ZNF219: variants seen among roughly 807,000 people sequenced by gnomAD.
The protein encoded by ZNF219 is zinc finger protein 219.
A neutral mutation model predicts 54.4 loss-of-function variants in ZNF219; 17 were observed. The observed-to-expected ratio is 0.31, with a 90% CI of 0.21 to 0.47. The LOEUF is 0.47. Among genes scored for constraint, ZNF219 ranks in the 20% least tolerant of loss-of-function variants. The probability of loss-of-function intolerance (pLI) is 1.00; values close to 1 mark genes in which losing one functional copy is unlikely to be tolerated. For synonymous variants in ZNF219, 518 were observed against 476.4 expected (o/e 1.09, Z -1.14); for missense variants, 1,014 against 1,062.3 (o/e 0.95, Z 0.63).
At chr14:21,091,295 T>A (rs921726323) in intron 4 of ZNF219, 116 bp downstream of exon 4, 2 of 1,516,100 alleles carry the variant, frequency 1.3e-6, no homozygotes, top group African/African-American at 2.8e-5. Flanking sequence ...TCCCAAGTGA[T>A]CTCATCCAGC....
Position 21,090,485 on chromosome 14 carries a change from C to A in ZNF219, c.*51G>T. ...TCTCTACCCAACTACCTCTAGCGCT[C>A]CCCCGCTCCGGCGGGGTAAGCTCAC... is the stretch of plus-strand genomic sequence containing the variant. On this transcript the variant is annotated 3_prime_UTR_variant, in exon 5 of 5. Transcript: ENST00000360947. The surrounding 1 kb of genome is among the most constrained non-coding windows in gnomAD (Gnocchi z 4.4). The A allele has an allele frequency of 5.2e-6, 8 of 1,533,846 alleles. No individual in the cohort carries two copies. The highest frequency in any genetic ancestry group is 7.0e-6 in the Non-Finnish European group (8 of 1,137,416).
At chr14:21,099,437 T>C (rs960084840), upstream of ZNF219, among the ~76,000 whole-genome samples, 1 of 151,570 alleles carries the variant, frequency 6.6e-6, no homozygotes, top group African/African-American at 2.4e-5. Flanking sequence ...TGAGGAGGAG[T>C]AGACACACAG....
chr14:21,091,923 C>T lies in ZNF219; in HGVS notation c.1374G>A (p.Glu458=). ...SLASLHPRPG[E]GPGHSASAAG... is the part of the protein sequence containing the mutation. Reference sequence around the variant, plus strand: ...CAGCAGAGGCAGAGTGCCCCGGTCCCTCACCCGGGCGCGGGTGCAGGGAAG... The same window carrying T: ...CAGCAGAGGCAGAGTGCCCCGGTCCTTCACCCGGGCGCGGGTGCAGGGAAG... The change falls in exon 3 of 5, where the codon GAG becomes GAA. Residue 458 remains glutamate (E), a synonymous_variant. Coordinates refer to ENST00000360947, the MANE Select transcript of ZNF219 (RefSeq NM_016423.3). 1.2e-6 allele frequency: 2 copies of T among 1,602,042 alleles called. No individual in the cohort carries two copies. The highest frequency in any genetic ancestry group is 1.7e-6 in the Non-Finnish European group (2 of 1,175,412).
rs976843054 is a variant in ZNF219, at chr14:21,092,543, G to A, written c.754C>T (p.Pro252Ser). 3.9e-6 allele frequency: 6 copies of A among 1,545,728 alleles called. No individual in the cohort carries two copies. In the African/African-American group the frequency reaches 6.9e-5, roughly 18 times the overall value. The change falls in exon 3 of 5, where the codon CCC (proline) becomes TCC (serine). Residue 252 changes from proline (P) to serine (S), a missense_variant. Physicochemically the swap from Pro to Ser is moderately conservative, Grantham distance 74. Around this residue, in one of 5 missense-constraint regions of ZNF219, gnomAD observed 395 missense variants for 415.1 expected, o/e 0.95. Coordinates refer to ENST00000360947, the MANE Select transcript of ZNF219 (RefSeq NM_016423.3). ...GGGGTCGGGGTTGCCTCACGTTCGG[G>A]CTCCGGCTCCGGCTCCGGCTGGGGG... is the stretch of plus-strand genomic sequence containing the variant. ...SVPQPEPEPEPEREATPTPAP... is the reference protein window; with the variant it reads ...SVPQPEPEPESEREATPTPAP...
chr14:21,100,126 GC>G (rs1342403084), upstream of ZNF219, among the ~76,000 whole-genome samples: 1 of 152,148 alleles, frequency 6.6e-6, no homozygotes, highest in Non-Finnish European at 1.5e-5. Flanking sequence ...AGTTTGGGAG[GC>G]CAAGCAGGGA....
Position 21,091,452 on chromosome 14 carries a change from C to T in ZNF219, c.1523G>A (p.Arg508His). 1 of 1,609,198 alleles carries T rather than the reference C, an allele frequency of 6.2e-7. No homozygotes were observed. The highest frequency in any genetic ancestry group is 8.5e-7 in the Non-Finnish European group (1 of 1,176,248). ...KDCPFCGKSFRSAHHLKVHLR... is the reference protein window; with the variant it reads ...KDCPFCGKSFHSAHHLKVHLR... The stretch of plus-strand genomic sequence containing the variant: ...ATGCACTTTGAGGTGATGTGCTGAG[C>T]GGAAAGATTTTCCGCAGAAAGGACA... Residue 508 changes from arginine (R) to histidine (H), a missense_variant, in exon 4 of 5, where the codon CGC (arginine) becomes CAC (histidine). Around this residue, in one of 5 missense-constraint regions of ZNF219, gnomAD observed 38 missense variants for 67.3 expected, o/e 0.56. Coordinates refer to ENST00000360947, the MANE Select transcript of ZNF219 (RefSeq NM_016423.3).
Position 21,090,289 on chromosome 14 carries a change from C to G in ZNF219, c.*247G>C, listed in dbSNP as rs1271226444. On this transcript the variant is annotated 3_prime_UTR_variant, in exon 5 of 5. Coordinates refer to ENST00000360947, the MANE Select transcript of ZNF219 (RefSeq NM_016423.3). The surrounding 1 kb of genome is among the most constrained non-coding windows in gnomAD (Gnocchi z 4.4). ...TCCTCAACAGGGACACAAACCTTCT[C>G]TGCCAGCCCAGGGACCCCGTTCTTT... The G allele has an allele frequency of 1.4e-6, 1 of 698,122 alleles. No homozygotes were observed. The highest frequency in any genetic ancestry group is 2.0e-5 in the Admixed American group (1 of 49,610). 43.2% of individuals were successfully genotyped at this position (698,122 alleles called of 1,614,324 possible).
Position 21,091,487 on chromosome 14 carries a change from G to C in ZNF219, c.1488C>G (p.Thr496=). The C allele has an allele frequency of 6.2e-7, 1 of 1,610,162 alleles. No individual in the cohort carries two copies. Among genetic ancestry groups the C allele is most frequent in the Non-Finnish European group, 8.5e-7 (1 of 1,177,144 alleles). Residue 496 remains threonine, a synonymous_variant, in exon 4 of 5, where the codon ACC becomes ACG. Coordinates refer to ENST00000360947, the MANE Select transcript of ZNF219 (RefSeq NM_016423.3). ...TTCCGCAGAAAGGACAATCCTTGCC[G>C]GTGGCGCCCCGGCCCCCTTCAGGCC... ...GTRPEGGRGA[T]GKDCPFCGKS...
chr14:21,094,589 T>A, intron 1 of ZNF219: 1 of 366,884 alleles, frequency 2.7e-6, no homozygotes, highest in South Asian at 2.0e-5. Context: ...CTGGGCCATC[T>A]GCACAGATAG....
chr14:21,092,136 G>T lies in ZNF219; in HGVS notation c.1161C>A (p.Gly387=). The change falls in exon 3 of 5, where the codon GGC becomes GGA. Residue 387 remains glycine (G), a synonymous_variant. Transcript: ENST00000360947. ...SLLGYLSLRA[G]EGRPNGEGAE... ...CACCCTCGCCGTTGGGCCGGCCCTC[G>T]CCAGCTCGCAGGCTCAGGTAGCCCA... 2 of 1,497,958 alleles carry T rather than the reference G, an allele frequency of 1.3e-6. No homozygotes were observed. The highest frequency in any genetic ancestry group is 2.6e-5 in the East Asian group (1 of 38,804). The allele number at this position is 1,497,958 out of a possible 1,614,324, so 92.8% of individuals were successfully genotyped here.
rs775094924 is a variant in ZNF219, at chr14:21,092,855, C to T, written c.442G>A (p.Ala148Thr). Residue 148 changes from alanine (A) to threonine (T), a missense_variant, in exon 3 of 5, where the codon GCC (alanine) becomes ACC (threonine). By Grantham distance (58) the Ala-to-Thr change is moderately conservative. Transcript: ENST00000360947. ...RSSGGMQATP[A>T]TEGLARPQAP... Reference sequence around the variant, plus strand: ...TGGGGCCGCGCCAGACCCTCAGTGGCAGGGGTGGCCTGCATGCCCCCTGAG... The same window carrying T: ...TGGGGCCGCGCCAGACCCTCAGTGGTAGGGGTGGCCTGCATGCCCCCTGAG... The T allele has an allele frequency of 1.3e-6, 2 of 1,556,996 alleles. No individual in the cohort carries two copies. Among genetic ancestry groups the T allele is most frequent in the Admixed American group, 3.8e-5 (2 of 52,576 alleles).
At chr14:21,099,917 A>G (rs567098474), upstream of ZNF219, among the ~76,000 whole-genome samples, 1 of 152,246 alleles carries the variant, frequency 6.6e-6, no homozygotes, top group East Asian at 1.9e-4. Context: ...TCTGAATAAC[A>G]CTTTTAGTGT....
upstream of ZNF219, chr14:21,101,352 T>C (rs1417413495): frequency 6.4e-7 from 1 of 1,551,478 alleles, no homozygotes; most frequent in Non-Finnish European, 8.7e-7. Flanking sequence ...CCATGGAAGA[T>C]AGAGCTGGTG....
upstream of ZNF219, chr14:21,103,206 A>G (rs746338417): frequency 9.0e-6 from 14 of 1,551,610 alleles, no homozygotes; most frequent in African/African-American, 1.4e-5. Flanking sequence ...ACAGGAGCAA[A>G]TGAGAGGGTG....
At position 21,090,886 on chromosome 14, in the gene ZNF219, G is replaced by C. The variant is rs772302239; in HGVS notation, c.1819C>G (p.Arg607Gly). ...GTCCTCCCAGGGCTGGCGGGCTTCC[G>C]ACGGGACCCCGGCCCAGCACCGCTA... ...PSSGAGPGSR[R>G]KPASPGRTLR... The change falls in exon 5 of 5, where the codon CGG becomes GGG. Residue 607 changes from arginine to glycine, a missense_variant. This residue lies in a region of ZNF219 where 281 missense variants were observed against 271.2 expected (regional missense o/e 1.04). Transcript: ENST00000360947. The surrounding 1 kb of genome is among the most constrained non-coding windows in gnomAD (Gnocchi z 4.4). 7.7e-5 allele frequency: 119 copies of C among 1,550,554 alleles called. No homozygotes were observed. The highest frequency in any genetic ancestry group is 9.6e-5 in the Non-Finnish European group (110 of 1,150,256).
chr14:21,099,225 A>G (rs1221039598), upstream of ZNF219: 1 of 156,166 alleles, frequency 6.4e-6, no homozygotes, highest in African/African-American at 2.4e-5. Flanking sequence ...GATTTAGTCA[A>G]TATTTACTGA....
In ZNF219 at chr14:21,091,486, C is replaced by T. The variant is rs757778485; in HGVS notation, c.1489G>A (p.Gly497Ser). ...TRPEGGRGAT[G>S]KDCPFCGKSF... ...TTTCCGCAGAAAGGACAATCCTTGCCGGTGGCGCCCCGGCCCCCTTCAGGC... is the reference window on the plus strand; with the variant it reads ...TTTCCGCAGAAAGGACAATCCTTGCTGGTGGCGCCCCGGCCCCCTTCAGGC... Residue 497 changes from glycine (G) to serine (S), a missense_variant, in exon 4 of 5, where the codon GGC (glycine) becomes AGC (serine). This residue lies in a region of ZNF219 where 38 missense variants were observed against 67.3 expected (regional missense o/e 0.56). Transcript: ENST00000360947. The T allele has an allele frequency of 1.2e-6, 2 of 1,610,232 alleles. No homozygotes were observed. Among genetic ancestry groups the T allele is most frequent in the Non-Finnish European group, 1.7e-6 (2 of 1,177,194 alleles).
chr14:21,092,835 C>T lies in ZNF219; in HGVS notation c.462G>A (p.Arg154=). ...AGGCGGACGATGAAGGAGCCTGGGG[C>T]CGCGCCAGACCCTCAGTGGCAGGGG... is the stretch of plus-strand genomic sequence containing the variant. ...QATPATEGLA[R]PQAPSSSAFR... The change falls in exon 3 of 5, where the codon CGG becomes CGA. Residue 154 remains arginine, a synonymous_variant. Transcript: ENST00000360947. 6.4e-7 allele frequency: 1 copy of T among 1,567,340 alleles called. No individual in the cohort carries two copies. The highest frequency in any genetic ancestry group is 8.6e-7 in the Non-Finnish European group (1 of 1,157,290).
At chr14:21,093,320 G>T in intron 2 of ZNF219, 30 bp from the exon 3 acceptor site, 1 of 1,542,424 alleles carries the variant, frequency 6.5e-7, no homozygotes, top group South Asian at 1.2e-5. Flanking sequence ...TAGAGCAAAG[G>T]GTGAAGGTAG....
Sources: allele counts gnomAD v4.1 joint callset (sites outside exome capture counted in the v4.1 genomes callset), GRCh38; gene constraint gnomAD v4.1.1; regional missense constraint gnomAD v4.1.1; non-coding constraint Gnocchi (gnomAD v3.1); transcripts MANE v1.5; gene names NCBI Gene and HGNC (gene_info 2026-07-23, HGNC 2026-07-21).